CCDC138: variants seen among roughly 807,000 people sequenced by gnomAD.
The protein encoded by CCDC138 is coiled-coil domain containing 138, also known as coiled-coil domain-containing protein 138.
Under a neutral mutation model 82.3 loss-of-function variants are expected in CCDC138, and 66 were observed. The observed-to-expected ratio is 0.80, with a 90% confidence interval of 0.66 to 0.98. The LOEUF (loss-of-function observed/expected upper bound fraction) is 0.98. Among genes scored for constraint, CCDC138 ranks in the 50% least tolerant of loss-of-function variants. The pLI is 0.00. For missense variants in CCDC138, 816 were observed against 758.9 expected (o/e 1.08, Z -0.88); for synonymous variants, 297 against 265.4 (o/e 1.12, Z -1.16).
In CCDC138 at chr2:108,791,814, A is replaced by G; in HGVS notation, c.394+12A>G. Reference sequence around the variant, plus strand: ...AGAAATAGAAAAAGGTAAAATAAATATTTTAGAACAATCAATTCAGTAGTA... The same window carrying G: ...AGAAATAGAAAAAGGTAAAATAAATGTTTTAGAACAATCAATTCAGTAGTA... On this transcript the variant is annotated intron_variant, in intron 4 of 14. Coordinates refer to ENST00000295124, the MANE Select transcript of CCDC138 (RefSeq NM_144978.3). 2 of 1,567,416 alleles carry G rather than the reference A, an allele frequency of 1.3e-6. No individual in the cohort carries two copies. Among genetic ancestry groups the G allele is most frequent in the Non-Finnish European group, 1.7e-6 (2 of 1,154,770 alleles).
intron 10 of CCDC138, among the ~76,000 whole-genome samples, chr2:108,834,156 C>T (rs1688195428): frequency 6.6e-6 from 1 of 150,894 alleles, no homozygotes; most frequent in South Asian, 2.1e-4. Context: ...GAATCAATTG[C>T]ATATTTTTAT....
intron 6 of CCDC138, among the ~76,000 whole-genome samples, chr2:108,803,040 T>A (rs1249070698): frequency 6.6e-6 from 1 of 152,220 alleles, no homozygotes; most frequent in Non-Finnish European, 1.5e-5. Context: ...CTGTGCCTCT[T>A]AAAGGTTGGT....
chr2:108,811,235 C>T, intron 7 of CCDC138, among the ~76,000 whole-genome samples: 1 of 68,574 alleles, frequency 1.5e-5, no homozygotes, highest in Admixed American at 1.8e-4. Context: ...CCTTTTCTTT[C>T]TTTCTCTCTC....
chr2:108,836,210 T>G (rs1288413525), intron 10 of CCDC138, among the ~76,000 whole-genome samples: 1 of 152,158 alleles, frequency 6.6e-6, no homozygotes, highest in Non-Finnish European at 1.5e-5. Flanking sequence ...ATTTTCTGCT[T>G]CAATGAATTT....
At chr2:108,846,541 G>T (rs1478022239) in intron 11 of CCDC138, among the ~76,000 whole-genome samples, 197 bp from the exon 12 acceptor site, 1 of 151,684 alleles carries the variant, frequency 6.6e-6, no homozygotes, top group Admixed American at 6.6e-5. Flanking sequence ...CCTGAGTGTG[G>T]TAGTGAGTGC....
At chr2:108,879,975 C>G (rs1333684222), downstream of CCDC138, among the ~76,000 whole-genome samples, 1 of 151,948 alleles carries the variant, frequency 6.6e-6, no homozygotes, top group African/African-American at 2.4e-5. Context: ...AGGTGCAGTG[C>G]AACTAAAAAT....
intron 14 of CCDC138, among the ~76,000 whole-genome samples, chr2:108,875,425 GATAAACCA>G (rs572695809): frequency 6.6e-6 from 1 of 151,710 alleles, no homozygotes; most frequent in Non-Finnish European, 1.5e-5. Context: ...CAAGTCAAAA[GATAAACCA>G]ATATTCTGCC....
intron 7 of CCDC138, among the ~76,000 whole-genome samples, chr2:108,812,248 A>G (rs753194760): frequency 3.3e-5 from 5 of 152,306 alleles, no homozygotes; most frequent in Non-Finnish European, 7.4e-5. Context: ...AGACACATAT[A>G]CACATAGTCC....
chr2:108,833,973 C>T (rs1688160368), intron 10 of CCDC138, among the ~76,000 whole-genome samples: 1 of 140,840 alleles, frequency 7.1e-6, no homozygotes, highest in Non-Finnish European at 1.5e-5. Context: ...GTCTCTATCT[C>T]CTGATCTCAT....
downstream of CCDC138, among the ~76,000 whole-genome samples, chr2:108,880,432 T>C (rs984832372): frequency 1.3e-4 from 20 of 152,236 alleles, no homozygotes; most frequent in African/African-American, 4.6e-4. Flanking sequence ...CCATGAATTA[T>C]GAACTTTCTT....
At chr2:108,883,311 T>C (rs1349045737) in intron 2 of CCDC138, 1 of 152,224 alleles carries the variant, frequency 6.6e-6, no homozygotes, top group Non-Finnish European at 1.5e-5. Context: ...TATTGTCAGT[T>C]CTGTAAGATG....
intron 13 of CCDC138, among the ~76,000 whole-genome samples, chr2:108,860,705 A>G (rs917224950): frequency 6.6e-6 from 1 of 151,940 alleles, no homozygotes; most frequent in African/African-American, 2.4e-5. Flanking sequence ...TCCGTTTGCC[A>G]GTATTTTGTT....
At chr2:108,804,864 G>A in intron 6 of CCDC138, 25 bp from the exon 7 acceptor site, 1 of 1,481,812 alleles carries the variant, frequency 6.7e-7, no homozygotes, top group Non-Finnish European at 8.9e-7. Context: ...AGTTTTAGAT[G>A]AGAGTTTTTT....
intron 6 of CCDC138, among the ~76,000 whole-genome samples, chr2:108,800,241 AT>A (rs1167199972): frequency 6.6e-6 from 1 of 152,120 alleles, no homozygotes; most frequent in East Asian, 1.9e-4. Flanking sequence ...GCATTCAGCA[AT>A]TAGATTTAGG....
intron 11 of CCDC138, among the ~76,000 whole-genome samples, chr2:108,840,881 G>A (rs908041084): frequency 2.3e-4 from 35 of 151,258 alleles, no homozygotes; most frequent in African/African-American, 6.3e-4. Flanking sequence ...GCACAGTCTC[G>A]GCTCATTGCA....
intron 13 of CCDC138, among the ~76,000 whole-genome samples, chr2:108,863,906 T>G (rs1448855431): frequency 1.3e-5 from 2 of 152,250 alleles, no homozygotes; most frequent in Non-Finnish European, 2.9e-5. Flanking sequence ...TATTTGCTAC[T>G]GGTCTCTGAA....
At chr2:108,831,720 C>CCTTCCTTT (rs1687687357) in intron 10 of CCDC138, among the ~76,000 whole-genome samples, 1 of 151,668 alleles carries the variant, frequency 6.6e-6, no homozygotes, top group South Asian at 2.1e-4. Flanking sequence ...TTCCTTCCTT[C>CCTTCCTTT]CTTCCTTCCT....
intron 14 of CCDC138, among the ~76,000 whole-genome samples, chr2:108,874,145 G>C (rs972824238): frequency 2.6e-5 from 4 of 152,092 alleles, no homozygotes; most frequent in Non-Finnish European, 5.9e-5. Flanking sequence ...CTGGTATTCT[G>C]TAATACCACA....
At chr2:108,880,688 C>T (rs1696266754), downstream of CCDC138, among the ~76,000 whole-genome samples, 2 of 152,278 alleles carry the variant, frequency 1.3e-5, no homozygotes, top group African/African-American at 4.8e-5. Context: ...GATGACAGCA[C>T]ATCTGTTTAC....
Sources: gnomAD v4.1 joint callset for allele counts (sites outside exome capture counted in the v4.1 genomes callset) on GRCh38, gnomAD v4.1.1 for gene constraint, MANE v1.5 for transcripts, NCBI Gene and HGNC (gene_info 2026-07-23, HGNC 2026-07-21) for gene names.